POR: variants seen among roughly 807,000 people sequenced by gnomAD.
POR encodes the protein NADPH--cytochrome P450 reductase.
POR carries 56 observed loss-of-function variants against 84.0 expected under a neutral mutation model. The ratio of observed to expected loss-of-function variants is 0.67; its 90% CI spans 0.54 to 0.83. POR has a LOEUF of 0.83. Ranked by LOEUF, POR falls within the 40% of genes least tolerant of loss-of-function variation. The probability of loss-of-function intolerance (pLI) is 0.00; values close to 1 mark genes in which losing one functional copy is unlikely to be tolerated. For missense variants in POR, 938 were observed against 944.3 expected, an observed-to-expected ratio of 0.99 and a Z score of 0.09; for synonymous variants, 414 against 400.5, an observed-to-expected ratio of 1.03 and a Z score of -0.40.
intron 1 of POR, chr7:75,918,585 A>T (rs1313789917): frequency 6.6e-6 from 1 of 152,110 alleles, no homozygotes; most frequent in Non-Finnish European, 1.5e-5. Flanking sequence ...GGATCCCTGT[A>T]GCGTGACACA....
At chr7:75,984,349 C>G (rs1391307582) in intron 10 of POR, among the ~76,000 whole-genome samples, 1 of 152,180 alleles carries the variant, frequency 6.6e-6, no homozygotes. Context: ...GTGAAGCCCT[C>G]GGACCCCACT....
chr7:75,935,322 C>T lies in POR; in HGVS notation c.-4-18667C>T, dbSNP rs1807615868. Among the ~76,000 whole-genome samples the T allele has an allele frequency of 2.6e-5, 4 of 152,134 alleles. No homozygotes were observed. The South Asian group carries it at 8.3e-4, about 31-fold the overall frequency. On this transcript the variant is annotated intron_variant, in intron 1 of 15. Transcript: ENST00000461988. ...AGTGCATTGGCGCTATCTCAGTTCA[C>T]TGCAACCTCCACTTCCTGGGTTCAA...
intron 1 of POR, among the ~76,000 whole-genome samples, chr7:75,926,370 C>A (rs1554549511): frequency 6.6e-6 from 1 of 152,088 alleles, no homozygotes; most frequent in Non-Finnish European, 1.5e-5. Flanking sequence ...GCAGGCAGAG[C>A]CACGAGGTCT....
intron 1 of POR, chr7:75,923,245 G>T: frequency 8.7e-7 from 1 of 1,144,140 alleles, no homozygotes; most frequent in Non-Finnish European, 1.3e-6. Flanking sequence ...GGAAAGCTTG[G>T]TGTCTTTTGC....
At chr7:75,938,323 G>A (rs17148908) in intron 1 of POR, among the ~76,000 whole-genome samples, 2,005 of 152,278 alleles carry the variant, frequency 0.013, 43 homozygotes, top group African/African-American at 0.046. Context: ...TGCAGGCATC[G>A]TTGTACAGTA....
chr7:75,985,356 G>A (rs942278256), intron 12 of POR, 149 bp downstream of exon 12: 1 of 1,193,576 alleles, frequency 8.4e-7, no homozygotes, highest in Admixed American at 2.9e-5. Flanking sequence ...TCCCCAGGCT[G>A]TGGACTCAGT....
At chr7:75,954,766 G>A (rs140460169) in intron 2 of POR, among the ~76,000 whole-genome samples, 2 of 150,316 alleles carry the variant, frequency 1.3e-5, no homozygotes, top group African/African-American at 4.9e-5. Flanking sequence ...GGAGTACAGC[G>A]GTGCGATCTC....
chr7:75,970,482 C>T (rs577762450), intron 2 of POR, among the ~76,000 whole-genome samples: 25 of 151,870 alleles, frequency 1.6e-4, no homozygotes, highest in Non-Finnish European at 3.2e-4. Flanking sequence ...GTAGCTGGGA[C>T]CACAGGCACA....
Position 75,983,610 on chromosome 7 carries a change from A to G in POR, c.921A>G (p.Glu307=). The G allele has an allele frequency of 1.2e-6, 2 of 1,612,968 alleles. No homozygotes were observed. The highest frequency in any genetic ancestry group is 8.5e-7 in the Non-Finnish European group (1 of 1,179,792). The change falls in exon 9 of 16, where the codon GAA becomes GAG. Residue 307 remains glutamate (E), a synonymous_variant. Coordinates refer to ENST00000461988, the MANE Select transcript of POR (RefSeq NM_000941.3). ...CCGAGCGCCACCTCATGCACCTGGA[A>G]TTGGACATCTCGGACTCCAAAATCA...
intron 1 of POR, among the ~76,000 whole-genome samples, chr7:75,949,668 C>T (rs1033823744): frequency 2.0e-5 from 3 of 151,728 alleles, no homozygotes; most frequent in African/African-American, 2.4e-5. Context: ...TACAGGCATG[C>T]GCCACTGCAT....
chr7:75,934,518 G>A (rs573324966), intron 1 of POR, among the ~76,000 whole-genome samples: 34 of 152,316 alleles, frequency 2.2e-4, no homozygotes, highest in African/African-American at 7.9e-4. Context: ...TGGAGCAACC[G>A]CTTGCTAGAG....
intron 3 of POR, among the ~76,000 whole-genome samples, chr7:75,976,840 A>C (rs1788718427): frequency 6.6e-6 from 1 of 151,942 alleles, no homozygotes; most frequent in Admixed American, 6.6e-5. Context: ...TGTAATCCCT[A>C]AGTTTTTTTT....
rs1554557954 is a variant in POR, at chr7:75,981,561, C to T, written c.686C>T (p.Ala229Val). 6.2e-7 allele frequency: 1 copy of T among 1,613,006 alleles called. No homozygotes were observed. The highest frequency in any genetic ancestry group is 2.2e-5 in the East Asian group (1 of 44,868). ...ACCTGGCGAGAGCAGTTCTGGCCGG[C>T]CGTGTGTGAACACTTTGGGGTGGAA... is the stretch of plus-strand genomic sequence containing the variant. Residue 229 changes from alanine to valine, a missense_variant, in exon 7 of 16, where the codon GCC becomes GTC. Coordinates refer to ENST00000461988, the MANE Select transcript of POR (RefSeq NM_000941.3).
At chr7:75,955,751 A>T (rs545214633) in intron 2 of POR, among the ~76,000 whole-genome samples, 1 of 152,306 alleles carries the variant, frequency 6.6e-6, no homozygotes, top group South Asian at 2.1e-4. Flanking sequence ...TGCTGACACC[A>T]GTGGGGGCCA....
At chr7:75,927,842 T>C (rs1807210875) in intron 1 of POR, among the ~76,000 whole-genome samples, 1 of 151,582 alleles carries the variant, frequency 6.6e-6, no homozygotes, top group Admixed American at 6.6e-5. Flanking sequence ...AGCTAATTTT[T>C]GTATTTTTAG....
chr7:75,953,932 G>A, intron 1 of POR, 57 bp from the exon 2 acceptor site: 2 of 1,407,728 alleles, frequency 1.4e-6, no homozygotes, highest in Non-Finnish European at 9.6e-7. Context: ...ACCCCAGCCA[G>A]CCTCAGGGGC....
At chr7:75,966,906 G>A (rs868986911) in intron 2 of POR, among the ~76,000 whole-genome samples, 2 of 152,164 alleles carry the variant, frequency 1.3e-5, no homozygotes, top group African/African-American at 4.8e-5. Flanking sequence ...GAGCCACGTG[G>A]TCTGTGTGCT....
At chr7:75,924,098 C>T (rs1554549187) in intron 1 of POR, among the ~76,000 whole-genome samples, 1 of 152,056 alleles carries the variant, frequency 6.6e-6, no homozygotes, top group Non-Finnish European at 1.5e-5. Flanking sequence ...AGCATTTGTA[C>T]AAGGCTCCCT....
chr7:75,980,163 A>C (rs1428893820), intron 4 of POR, among the ~76,000 whole-genome samples, 176 bp from the exon 5 acceptor site: 1 of 152,158 alleles, frequency 6.6e-6, no homozygotes, highest in Admixed American at 6.5e-5. Context: ...CCCACCTGGC[A>C]CAAATGCCCA....
Sources: gnomAD v4.1 joint callset for allele counts (sites outside exome capture counted in the v4.1 genomes callset) on GRCh38, gnomAD v4.1.1 for gene constraint, MANE v1.5 for transcripts, NCBI Gene and HGNC (gene_info 2026-07-23, HGNC 2026-07-21) for gene names.